The following AP2B1 variants were observed in gnomAD, a reference collection of about 807,000 sequenced individuals.
The protein encoded by AP2B1 is adaptor related protein complex 2 subunit beta 1.
AP2B1 carries 23 observed loss-of-function variants against 102.0 expected under a neutral mutation model. The ratio of observed to expected loss-of-function variants is 0.23; its 90% confidence interval spans 0.16 to 0.32. The LOEUF is 0.32. Among genes scored for constraint, AP2B1 ranks in the 10% least tolerant of loss-of-function variants. AP2B1 has a pLI of 1.00. For missense variants in AP2B1, 541 were observed against 1,157.4 expected (o/e 0.47, Z 7.73); for synonymous variants, 381 against 421.2 (o/e 0.90, Z 1.17).
chr17:35,627,539 T>G (rs758034293), intron 8 of AP2B1, 34 bp downstream of exon 8: 7 of 1,613,854 alleles, frequency 4.3e-6, no homozygotes, highest in Non-Finnish European at 5.1e-6. Flanking sequence ...TTGATGATGA[T>G]TTAGCTCTTA....
intron 1 of AP2B1, among the ~76,000 whole-genome samples, chr17:35,590,209 C>T (rs1357386130): frequency 2.0e-5 from 3 of 152,146 alleles, no homozygotes; most frequent in African/African-American, 4.8e-5. Flanking sequence ...TGAGCCACCG[C>T]GACCGGCTGT....
intron 13 of AP2B1, among the ~76,000 whole-genome samples, chr17:35,657,305 T>C (rs139955296): frequency 1.1e-3 from 165 of 152,358 alleles, no homozygotes; most frequent in African/African-American, 3.4e-3. Context: ...AACCATAGAA[T>C]TCTCCTTACA....
At chr17:35,702,052 T>TGTTTTCTATTTGTCC (rs1214124970) in intron 18 of AP2B1, among the ~76,000 whole-genome samples, 1 of 152,188 alleles carries the variant, frequency 6.6e-6, no homozygotes, top group Non-Finnish European at 1.5e-5. Context: ...ACTGAGAATA[T>TGTTTTCTATTTGTCC]TGTGACAAAT....
chr17:35,605,559 A>T, intron 3 of AP2B1, 146 bp from the exon 4 acceptor site: 1 of 677,196 alleles, frequency 1.5e-6, no homozygotes, highest in South Asian at 1.9e-5. Flanking sequence ...CAGTTTCTTT[A>T]GTAATTCATT....
intron 21 of AP2B1, among the ~76,000 whole-genome samples, chr17:35,718,238 A>G (rs1352097056): frequency 6.6e-6 from 1 of 151,810 alleles, no homozygotes; most frequent in Non-Finnish European, 1.5e-5. Flanking sequence ...ATATCAAGGG[A>G]ATAGTACCAT....
chr17:35,703,264 C>CAA (rs57503007), intron 18 of AP2B1, among the ~76,000 whole-genome samples: 2,102 of 101,348 alleles, frequency 0.021, 75 homozygotes, highest in Non-Finnish European at 0.029. Context: ...GACTCCATCT[C>CAA]AAAAAAAAAA....
chr17:35,639,314 C>T (rs976268202), intron 10 of AP2B1, among the ~76,000 whole-genome samples: 5 of 152,238 alleles, frequency 3.3e-5, no homozygotes, highest in Admixed American at 3.3e-4. Flanking sequence ...GCCTGGGTGA[C>T]AAGAGTGAGA....
At chr17:35,701,208 A>C (rs1257670164) in intron 18 of AP2B1, among the ~76,000 whole-genome samples, 1 of 152,192 alleles carries the variant, frequency 6.6e-6, no homozygotes, top group Non-Finnish European at 1.5e-5. Flanking sequence ...AGTTTCAGGA[A>C]ATATTACTTA....
intron 17 of AP2B1, among the ~76,000 whole-genome samples, chr17:35,681,506 T>C (rs2075821738): frequency 1.3e-5 from 2 of 152,186 alleles, no homozygotes; most frequent in Admixed American, 1.3e-4. Context: ...ATCAAGCAAG[T>C]GATTCTCCTA....
intron 18 of AP2B1, among the ~76,000 whole-genome samples, chr17:35,690,683 T>G (rs2076023712): frequency 6.6e-6 from 1 of 152,186 alleles, no homozygotes; most frequent in Non-Finnish European, 1.5e-5. Context: ...TCCTAAGCCT[T>G]TGAGAATTCT....
chr17:35,713,242 A>G (rs2076486892), intron 20 of AP2B1, among the ~76,000 whole-genome samples: 1 of 152,222 alleles, frequency 6.6e-6, no homozygotes, highest in Non-Finnish European at 1.5e-5. Flanking sequence ...TAGGTGCTCC[A>G]AATACCAATG....
chr17:35,708,133 A>T (rs1260511011), intron 18 of AP2B1, among the ~76,000 whole-genome samples: 1 of 152,238 alleles, frequency 6.6e-6, no homozygotes, highest in Non-Finnish European at 1.5e-5. Context: ...TAAAAGACAG[A>T]GAGTGAGAAT....
At chr17:35,659,947 T>C in intron 14 of AP2B1, 3 of 985,414 alleles carry the variant, frequency 3.0e-6, no homozygotes, top group Non-Finnish European at 3.6e-6. Context: ...AGACCTAAAT[T>C]TGCCTGTGTG....
At position 35,682,859 on chromosome 17, in the gene AP2B1, A is replaced by G. The variant is rs148779155; in HGVS notation, c.2454+35A>G. 1.3e-3 allele frequency: 2,009 copies of G among 1,576,120 alleles called. 24 individuals carry two copies. In the African/African-American group the frequency reaches 0.023, roughly 18 times the overall value. On this transcript the variant is annotated intron_variant, in intron 18 of 21. Transcript: ENST00000610402. Reference sequence around the variant, plus strand: ...TTACTTCACTCAGGTGGTACAAGTTAATATCTTGACAATTATTATTATTAT... The same window carrying G: ...TTACTTCACTCAGGTGGTACAAGTTGATATCTTGACAATTATTATTATTAT...
At chr17:35,616,014 A>G (rs2142478762) in intron 5 of AP2B1, among the ~76,000 whole-genome samples, 1 of 152,264 alleles carries the variant, frequency 6.6e-6, no homozygotes, top group Non-Finnish European at 1.5e-5. Flanking sequence ...CTACTTATAG[A>G]GAAAGCAAAC....
intron 10 of AP2B1, among the ~76,000 whole-genome samples, chr17:35,638,768 G>A (rs1285630079): frequency 1.3e-4 from 19 of 144,090 alleles, no homozygotes; most frequent in African/African-American, 2.9e-4. Flanking sequence ...CAGCCTGGGC[G>A]ACAGAGCAAC....
At chr17:35,702,243 A>ATATTT (rs2076253332) in intron 18 of AP2B1, among the ~76,000 whole-genome samples, 1 of 152,208 alleles carries the variant, frequency 6.6e-6, no homozygotes, top group Non-Finnish European at 1.5e-5. Context: ...CTGGAGTTGG[A>ATATTT]GGTTGGGTGG....
intron 10 of AP2B1, 61 bp from the exon 11 acceptor site, chr17:35,639,534 T>G: frequency 4.7e-6 from 7 of 1,499,678 alleles, no homozygotes; most frequent in Non-Finnish European, 5.4e-6. Flanking sequence ...CCTTTAGCCT[T>G]CACTGTTAAA....
At chr17:35,627,091 T>C (rs1051658192) in intron 7 of AP2B1, among the ~76,000 whole-genome samples, 1 of 152,148 alleles carries the variant, frequency 6.6e-6, no homozygotes, top group Non-Finnish European at 1.5e-5. Context: ...ATATACTGTC[T>C]AGTGCCTGGT....
Sources: gnomAD v4.1 joint callset for allele counts (sites outside exome capture counted in the v4.1 genomes callset) on GRCh38, gnomAD v4.1.1 for gene constraint, MANE v1.5 for transcripts, NCBI Gene and HGNC (gene_info 2026-07-23, HGNC 2026-07-21) for gene names.